The following GULP1 variants were observed in gnomAD, a reference collection of about 807,000 sequenced individuals.
GULP1 encodes the protein PTB domain-containing engulfment adapter protein 1.
Under a neutral mutation model 40.9 loss-of-function variants are expected in GULP1, and 19 were observed. The ratio of observed to expected loss-of-function variants is 0.46; its 90% CI spans 0.32 to 0.68. The LOEUF is 0.68. Ranked by LOEUF, GULP1 falls within the 30% of genes least tolerant of loss-of-function variation. GULP1 has a pLI of 0.03. For missense variants in GULP1, 312 were observed against 362.2 expected, an observed-to-expected ratio of 0.86 and a Z score of 1.12; for synonymous variants, 119 against 117.6, an observed-to-expected ratio of 1.01 and a Z score of -0.08.
chr2:188,349,419 G>A (rs1013178568), intron 1 of GULP1, among the ~76,000 whole-genome samples: 3 of 152,200 alleles, frequency 2.0e-5, no homozygotes, highest in African/African-American at 7.2e-5. Flanking sequence ...TTAATGTGTT[G>A]TAATTTTAGC....
chr2:188,550,287 A>G (rs1217614813), intron 7 of GULP1, among the ~76,000 whole-genome samples: 1 of 151,700 alleles, frequency 6.6e-6, no homozygotes, highest in Non-Finnish European at 1.5e-5. Context: ...GCTAGATAGA[A>G]ACAGAATTTG....
At chr2:188,491,949 G>A (rs926047990) in intron 4 of GULP1, among the ~76,000 whole-genome samples, 1 of 151,750 alleles carries the variant, frequency 6.6e-6, no homozygotes, top group African/African-American at 2.4e-5. Flanking sequence ...AGAAAAGTGT[G>A]TATCATCTAT....
intron 5 of GULP1, among the ~76,000 whole-genome samples, chr2:188,525,207 A>G (rs1165110202): frequency 6.6e-6 from 1 of 152,006 alleles, no homozygotes; most frequent in African/African-American, 2.4e-5. Flanking sequence ...TTATTTCCTA[A>G]TCATGTTCAG....
chr2:188,370,682 A>C (rs1215207655), intron 1 of GULP1, among the ~76,000 whole-genome samples: 1 of 152,210 alleles, frequency 6.6e-6, no homozygotes, highest in Non-Finnish European at 1.5e-5. Flanking sequence ...ATTGCATCTC[A>C]CAGTGTAGTC....
At chr2:188,302,168 A>G (rs1239205942) in intron 1 of GULP1, among the ~76,000 whole-genome samples, 1 of 152,158 alleles carries the variant, frequency 6.6e-6, no homozygotes, top group East Asian at 1.9e-4. Context: ...ATTAGTCTAT[A>G]AAAACTTATT....
At chr2:188,527,006 T>G (rs1040793013) in intron 5 of GULP1, among the ~76,000 whole-genome samples, 1 of 152,100 alleles carries the variant, frequency 6.6e-6, no homozygotes, top group Non-Finnish European at 1.5e-5. Flanking sequence ...ATTAGAGATG[T>G]TGTGCTTATT....
intron 9 of GULP1, among the ~76,000 whole-genome samples, chr2:188,575,618 C>G (rs896207019): frequency 6.6e-6 from 1 of 152,126 alleles, no homozygotes; most frequent in African/African-American, 2.4e-5. Flanking sequence ...TTAGCAAATG[C>G]AACAGGCTGA....
At chr2:188,437,011 A>G (rs1301992732) in intron 2 of GULP1, among the ~76,000 whole-genome samples, 3 of 152,226 alleles carry the variant, frequency 2.0e-5, no homozygotes, top group Admixed American at 2.0e-4. Context: ...CTATAGTTCT[A>G]TCTTCTTTTA....
chr2:188,559,870 A>G (rs1559379237), intron 7 of GULP1, among the ~76,000 whole-genome samples: 3 of 152,174 alleles, frequency 2.0e-5, no homozygotes, highest in Non-Finnish European at 4.4e-5. Context: ...TTCTCATGGT[A>G]GTGAATAAGT....
intron 7 of GULP1, among the ~76,000 whole-genome samples, chr2:188,546,509 G>A (rs1359898756): frequency 2.0e-5 from 3 of 152,002 alleles, no homozygotes; most frequent in Non-Finnish European, 2.9e-5. Context: ...TTAATTTTGC[G>A]AATTGAATAA....
In GULP1 at chr2:188,381,336, G is replaced by A. The variant is rs555081571; in HGVS notation, c.-171-2427G>A. On this transcript the variant is annotated intron_variant, in intron 1 of 11. Transcript: ENST00000409830. ...CACATTGCATAAAATATTCTAGTTT[G>A]AAAAGTATTTCCTGCAGTATGACTG... 1.5e-4 allele frequency among the ~76,000 whole-genome samples: 23 copies of A among 152,160 alleles called. 1 individual carries two copies. The Middle Eastern group carries it at 0.017, about 113-fold the overall frequency.
chr2:188,548,322 CTAG>C (rs930869026), intron 7 of GULP1, among the ~76,000 whole-genome samples: 2 of 151,932 alleles, frequency 1.3e-5, no homozygotes, highest in African/African-American at 4.8e-5. Context: ...TTGCTGTATA[CTAG>C]TAGTGAACAT....
chr2:188,301,478 T>C (rs2036121372), intron 1 of GULP1, among the ~76,000 whole-genome samples: 1 of 152,220 alleles, frequency 6.6e-6, no homozygotes, highest in African/African-American at 2.4e-5. Context: ...TGGCATAAAT[T>C]ATTGATAGTC....
intron 10 of GULP1, among the ~76,000 whole-genome samples, chr2:188,587,092 GAA>G (rs1409051479): frequency 2.0e-5 from 3 of 151,928 alleles, no homozygotes; most frequent in African/African-American, 7.2e-5. Context: ...TCAGAGGAAA[GAA>G]ATTTCTTAAG....
chr2:188,432,439 A>G (rs956003580), intron 2 of GULP1, among the ~76,000 whole-genome samples: 2 of 151,870 alleles, frequency 1.3e-5, no homozygotes, highest in African/African-American at 4.8e-5. Context: ...TTATCTAAGT[A>G]AGAACCTTAA....
intron 7 of GULP1, among the ~76,000 whole-genome samples, chr2:188,557,960 G>A (rs1014464894): frequency 1.3e-5 from 2 of 152,190 alleles, no homozygotes; most frequent in African/African-American, 2.4e-5. Flanking sequence ...GGGGCCATGG[G>A]CCTGGCCCAT....
intron 4 of GULP1, among the ~76,000 whole-genome samples, chr2:188,491,056 C>T (rs2062336260): frequency 6.6e-6 from 1 of 151,940 alleles, no homozygotes. Context: ...ACTTGACCTC[C>T]CAAAGTGCTG....
chr2:188,589,741 G>A (rs1386012956), intron 11 of GULP1: 9 of 1,387,230 alleles, frequency 6.5e-6, no homozygotes, highest in East Asian at 2.7e-5. Flanking sequence ...GGTGGGTAGC[G>A]CCAGAGATGG....
At chr2:188,508,908 T>A (rs770758749) in intron 4 of GULP1, among the ~76,000 whole-genome samples, 1 of 151,818 alleles carries the variant, frequency 6.6e-6, no homozygotes, top group Non-Finnish European at 1.5e-5. Flanking sequence ...CACAGCCCAC[T>A]TGTAAGTACA....
Sources: allele counts gnomAD v4.1 joint callset (sites outside exome capture counted in the v4.1 genomes callset), GRCh38; gene constraint gnomAD v4.1.1; transcripts MANE v1.5; gene names NCBI Gene and HGNC (gene_info 2026-07-23, HGNC 2026-07-21).